The following SGCD variants were observed in gnomAD, a reference collection of about 807,000 sequenced individuals.
SGCD encodes the protein delta-sarcoglycan.
Under a neutral mutation model 36.6 loss-of-function variants are expected in SGCD, and 18 were observed. The ratio of observed to expected loss-of-function variants is 0.49; its 90% CI spans 0.34 to 0.73. SGCD has a LOEUF of 0.73. Ranked by LOEUF, SGCD falls within the 30% of genes least tolerant of loss-of-function variation. The pLI is 0.01. For missense variants in SGCD, 387 were observed against 346.7 expected (o/e 1.12, Z -0.92); for synonymous variants, 133 against 130.6 (o/e 1.02, Z -0.12).
intron 1 of SGCD, among the ~76,000 whole-genome samples, chr5:155,936,013 C>T (rs1757188727): frequency 6.6e-6 from 1 of 152,156 alleles, no homozygotes; most frequent in Admixed American, 6.5e-5. Context: ...CTACAAGCAG[C>T]TTCCATGGCT....
At chr5:156,605,457 AT>A (rs1761396910) in intron 6 of SGCD, among the ~76,000 whole-genome samples, 1 of 152,196 alleles carries the variant, frequency 6.6e-6, no homozygotes. Flanking sequence ...ATTGTTGGAC[AT>A]TTGGCTTGGT....
At chr5:156,673,558 T>C (rs1417562173) in intron 7 of SGCD, among the ~76,000 whole-genome samples, 2 of 152,200 alleles carry the variant, frequency 1.3e-5, no homozygotes, top group African/African-American at 4.8e-5. Context: ...TTCACAAATA[T>C]AACCTGACTC....
chr5:156,004,006 A>G (rs1223528700), intron 1 of SGCD, among the ~76,000 whole-genome samples: 1 of 152,234 alleles, frequency 6.6e-6, no homozygotes, highest in African/African-American at 2.4e-5. Context: ...CCTATCTTAC[A>G]TCTCATGTTA....
At chr5:156,279,831 A>T (rs921937365) in intron 3 of SGCD, among the ~76,000 whole-genome samples, 3 of 152,144 alleles carry the variant, frequency 2.0e-5, no homozygotes, top group Non-Finnish European at 4.4e-5. Context: ...AGGTGAGTAC[A>T]GTTTTGTACA....
chr5:156,120,956 T>C (rs756284411), intron 2 of SGCD, among the ~76,000 whole-genome samples: 27 of 152,116 alleles, frequency 1.8e-4, no homozygotes, highest in Non-Finnish European at 2.9e-4. Context: ...AAGATCATCC[T>C]CAAATTGCCG....
chr5:155,838,366 A>G, the SGCD span, among the ~76,000 whole-genome samples: 2 of 152,178 alleles, frequency 1.3e-5, no homozygotes, highest in Admixed American at 6.5e-5. Flanking sequence ...CTTTTAGTCT[A>G]TAATTTTCTC....
intron 1 of SGCD, among the ~76,000 whole-genome samples, chr5:155,976,088 ATG>A (rs1758108302): frequency 6.6e-6 from 1 of 152,152 alleles, no homozygotes; most frequent in Admixed American, 6.5e-5. Flanking sequence ...ATATATTTTT[ATG>A]GACATTTATA....
At chr5:156,678,884 A>G (rs182854464) in intron 7 of SGCD, among the ~76,000 whole-genome samples, 1 of 152,120 alleles carries the variant, frequency 6.6e-6, no homozygotes, top group Admixed American at 6.5e-5. Context: ...AGAAACCCAC[A>G]ATTTTCTTGT....
chr5:155,862,436 C>T, the SGCD span, among the ~76,000 whole-genome samples: 1 of 152,136 alleles, frequency 6.6e-6, no homozygotes, highest in Admixed American at 6.5e-5. Flanking sequence ...AAGAAATCCT[C>T]CTGCCTCAGC....
chr5:156,757,832 C>A, intron 8 of SGCD, 128 bp downstream of exon 8: 1 of 1,356,606 alleles, frequency 7.4e-7, no homozygotes, highest in Non-Finnish European at 9.5e-7. Context: ...GGTTTTATTT[C>A]TGAAACAATT....
chr5:156,135,571 A>C (rs959957733), intron 3 of SGCD, among the ~76,000 whole-genome samples: 2 of 152,110 alleles, frequency 1.3e-5, no homozygotes, highest in Non-Finnish European at 2.9e-5. Flanking sequence ...TTTTCTGTCC[A>C]GCTTCCAGTT....
intron 3 of SGCD, among the ~76,000 whole-genome samples, chr5:156,138,706 A>T (rs758462466): frequency 8.5e-5 from 13 of 152,220 alleles, no homozygotes; most frequent in Non-Finnish European, 1.3e-4. Context: ...TTTTGAGTGA[A>T]TATCAATGAG....
At chr5:156,259,034 T>C (rs540077273) in intron 3 of SGCD, among the ~76,000 whole-genome samples, 114 of 152,190 alleles carry the variant, frequency 7.5e-4, no homozygotes, top group African/African-American at 2.7e-3. Flanking sequence ...GGCAAACACG[T>C]CTTCAGAGTG....
At chr5:156,431,111 G>A (rs780314800) in intron 3 of SGCD, among the ~76,000 whole-genome samples, 1 of 152,064 alleles carries the variant, frequency 6.6e-6, no homozygotes, top group Non-Finnish European at 1.5e-5. Context: ...AGGGTGAAGA[G>A]GGAGAGCTAT....
chr5:156,754,530 A>G (rs1757267139), intron 7 of SGCD, among the ~76,000 whole-genome samples: 1 of 152,224 alleles, frequency 6.6e-6, no homozygotes, highest in East Asian at 1.9e-4. Flanking sequence ...TTCTTGAAGA[A>G]AGGATTACAG....
At chr5:156,138,403 A>T (rs1026988715) in intron 3 of SGCD, among the ~76,000 whole-genome samples, 1 of 152,158 alleles carries the variant, frequency 6.6e-6, no homozygotes, top group African/African-American at 2.4e-5. Flanking sequence ...TTCATCTCAA[A>T]ACAAAACAAA....
intron 3 of SGCD, among the ~76,000 whole-genome samples, chr5:156,391,867 G>C (rs1157256708): frequency 6.6e-6 from 1 of 152,164 alleles, no homozygotes; most frequent in Non-Finnish European, 1.5e-5. Flanking sequence ...TTAAATTTTG[G>C]ACGAGAATAA....
chr5:156,436,379 A>G (rs1020427620), intron 3 of SGCD, among the ~76,000 whole-genome samples: 1 of 152,244 alleles, frequency 6.6e-6, no homozygotes. Context: ...TGATTGCACA[A>G]ACAAATGGGT....
intron 3 of SGCD, among the ~76,000 whole-genome samples, chr5:156,182,185 G>C (rs2127627618): frequency 6.6e-6 from 1 of 152,292 alleles, no homozygotes; most frequent in Non-Finnish European, 1.5e-5. Context: ...AATAGTCAAG[G>C]CAGTCATGAA....
Sources: allele counts gnomAD v4.1 joint callset (sites outside exome capture counted in the v4.1 genomes callset), GRCh38; gene constraint gnomAD v4.1.1; transcripts MANE v1.5; gene names NCBI Gene and HGNC (gene_info 2026-07-23, HGNC 2026-07-21).